SLC35F1: variants seen among roughly 807,000 people sequenced by gnomAD.
The protein encoded by SLC35F1 is chromosome 6 open reading frame 169.
A neutral mutation model predicts 48.7 loss-of-function variants in SLC35F1; 14 were observed. The observed-to-expected ratio is 0.29, with a 90% CI of 0.19 to 0.45. The LOEUF is 0.45. SLC35F1 is among the 20% of genes least tolerant of loss of function. The pLI is 1.00. For missense variants in SLC35F1, 404 were observed against 500.0 expected (o/e 0.81, Z 1.83); for synonymous variants, 190 against 202.2 (o/e 0.94, Z 0.51).
intron 1 of SLC35F1, among the ~76,000 whole-genome samples, chr6:118,055,057 G>C (rs1260908813): frequency 6.6e-6 from 1 of 152,164 alleles, no homozygotes; most frequent in Admixed American, 6.5e-5. Context: ...TTACAGGTGC[G>C]AGCCACCGTG....
At chr6:118,151,440 G>A (rs1349005718) in intron 1 of SLC35F1, among the ~76,000 whole-genome samples, 1 of 152,070 alleles carries the variant, frequency 6.6e-6, no homozygotes, top group East Asian at 1.9e-4. Flanking sequence ...AATATGTATT[G>A]TTTCTCCACT....
At chr6:118,061,227 T>A (rs1329278482) in intron 1 of SLC35F1, among the ~76,000 whole-genome samples, 1 of 152,220 alleles carries the variant, frequency 6.6e-6, no homozygotes, top group African/African-American at 2.4e-5. Context: ...TTGAAATTGC[T>A]TTTTACATGC....
intron 3 of SLC35F1, among the ~76,000 whole-genome samples, chr6:118,259,440 G>T (rs1775685569): frequency 6.6e-6 from 1 of 151,888 alleles, no homozygotes; most frequent in African/African-American, 2.4e-5. Flanking sequence ...TAAGTGTGTT[G>T]TTTGAAGCAT....
Position 118,290,558 on chromosome 6 carries a change from T to TA in SLC35F1, c.1002+5230dup, listed in dbSNP as rs560908426. 5.4e-3 allele frequency among the ~76,000 whole-genome samples: 809 copies of TA among 150,636 alleles called. 10 individuals carry two copies. Among genetic ancestry groups the TA allele is most frequent in the African/African-American group, 0.018 (748 of 41,102 alleles). ...ACTCAATTAATTTAAATCCAAAAAT[T>TA]AAAAAAAAAATTTATTTGCCTTAAA... is the stretch of plus-strand genomic sequence containing the variant. On this transcript the variant is annotated intron_variant, in intron 7 of 7. Transcript: ENST00000360388.
chr6:118,084,446 T>G (rs764762205), intron 1 of SLC35F1, among the ~76,000 whole-genome samples: 5 of 152,166 alleles, frequency 3.3e-5, no homozygotes, highest in Non-Finnish European at 5.9e-5. Flanking sequence ...TACAAGGCTG[T>G]TCTCTGAACT....
At chr6:118,058,756 TG>T (rs1772496412) in intron 1 of SLC35F1, among the ~76,000 whole-genome samples, 1 of 152,212 alleles carries the variant, frequency 6.6e-6, no homozygotes, top group African/African-American at 2.4e-5. Flanking sequence ...AAATAGAATG[TG>T]ATTCTTTTTC....
chr6:118,307,204 G>A (rs376617148), intron 7 of SLC35F1, among the ~76,000 whole-genome samples: 1 of 152,154 alleles, frequency 6.6e-6, no homozygotes, highest in Non-Finnish European at 1.5e-5. Flanking sequence ...TCTGACTAAG[G>A]CACTCGTTTG....
At chr6:118,228,067 G>A (rs1293830101) in intron 2 of SLC35F1, among the ~76,000 whole-genome samples, 2 of 152,058 alleles carry the variant, frequency 1.3e-5, no homozygotes, top group Non-Finnish European at 2.9e-5. Flanking sequence ...ACTCAGGTCC[G>A]TTTGTTACTA....
chr6:118,188,577 CT>C (rs1380478918), intron 2 of SLC35F1, among the ~76,000 whole-genome samples: 2 of 150,860 alleles, frequency 1.3e-5, no homozygotes, highest in African/African-American at 4.9e-5. Context: ...AAAAACTATA[CT>C]TCTGGTTGAA....
intron 3 of SLC35F1, among the ~76,000 whole-genome samples, chr6:118,245,615 T>C (rs1384640728): frequency 1.3e-5 from 2 of 152,286 alleles, no homozygotes; most frequent in Admixed American, 6.5e-5. Context: ...TGTGAATGCA[T>C]TTGGTTTCCA....
intron 1 of SLC35F1, among the ~76,000 whole-genome samples, chr6:118,098,460 G>A (rs891815421): frequency 6.6e-6 from 1 of 152,152 alleles, no homozygotes; most frequent in Non-Finnish European, 1.5e-5. Flanking sequence ...CTGTTTCTAA[G>A]TCTCATGCAT....
chr6:118,179,536 G>A (rs1286613423), intron 2 of SLC35F1, among the ~76,000 whole-genome samples: 1 of 152,072 alleles, frequency 6.6e-6, no homozygotes, highest in Non-Finnish European at 1.5e-5. Flanking sequence ...TGATTCAAAT[G>A]CTATTCTTTT....
At chr6:118,241,547 A>G (rs1775439987) in intron 3 of SLC35F1, among the ~76,000 whole-genome samples, 1 of 151,676 alleles carries the variant, frequency 6.6e-6, no homozygotes, top group Admixed American at 6.6e-5. Context: ...TTGACTGCAG[A>G]CCTTATTCAG....
chr6:118,209,102 G>C (rs573081761), intron 2 of SLC35F1, among the ~76,000 whole-genome samples: 1 of 152,122 alleles, frequency 6.6e-6, no homozygotes, highest in Non-Finnish European at 1.5e-5. Context: ...GAACAGTGAG[G>C]GCTTGCTGGG....
chr6:118,093,281 A>G (rs1773103091), intron 1 of SLC35F1, among the ~76,000 whole-genome samples: 1 of 151,964 alleles, frequency 6.6e-6, no homozygotes, highest in South Asian at 2.1e-4. Context: ...GCGCCACTGC[A>G]CTCCAGCCTG....
At chr6:117,911,449 T>A (rs577422083) in intron 1 of SLC35F1, among the ~76,000 whole-genome samples, 8 of 124,102 alleles carry the variant, frequency 6.4e-5, no homozygotes, top group African/African-American at 2.4e-4. Context: ...CTTCCTTCCA[T>A]CCTTCTGGCA....
At chr6:118,086,158 A>T (rs1475058574) in intron 1 of SLC35F1, among the ~76,000 whole-genome samples, 1 of 152,026 alleles carries the variant, frequency 6.6e-6, no homozygotes, top group Non-Finnish European at 1.5e-5. Context: ...TCTCCAATGT[A>T]AAAAAAATAA....
At chr6:118,046,604 G>A (rs1430308315) in intron 1 of SLC35F1, among the ~76,000 whole-genome samples, 1 of 152,070 alleles carries the variant, frequency 6.6e-6, no homozygotes, top group African/African-American at 2.4e-5. Context: ...GAAAAACTAG[G>A]TTGATAGCAA....
chr6:118,019,173 T>C (rs577949505), intron 1 of SLC35F1, among the ~76,000 whole-genome samples: 84 of 151,726 alleles, frequency 5.5e-4, no homozygotes, highest in South Asian at 8.3e-4. Flanking sequence ...AATATAATTG[T>C]AATTTTAGAA....
Sources: gnomAD v4.1 joint callset for allele counts (sites outside exome capture counted in the v4.1 genomes callset) on GRCh38, gnomAD v4.1.1 for gene constraint, MANE v1.5 for transcripts, NCBI Gene and HGNC (gene_info 2026-07-23, HGNC 2026-07-21) for gene names.